LRRC4C: variants seen among roughly 807,000 people sequenced by gnomAD.
LRRC4C encodes leucine rich repeat containing 4C.
Under a neutral mutation model 33.6 loss-of-function variants are expected in LRRC4C, and 5 were observed. The observed-to-expected ratio is 0.15, with a 90% CI of 0.08 to 0.31. LRRC4C has a LOEUF of 0.31. LRRC4C is among the 10% of genes least tolerant of loss of function. The probability of loss-of-function intolerance (pLI) is 1.00; values close to 1 mark genes in which losing one functional copy is unlikely to be tolerated. For synonymous variants in LRRC4C, 329 were observed against 302.0 expected (o/e 1.09, Z -0.93); for missense variants, 560 against 796.7 (o/e 0.70, Z 3.58).
chr11:41,284,087 T>A (rs1465436270), intron 1 of LRRC4C, among the ~76,000 whole-genome samples: 1 of 152,208 alleles, frequency 6.6e-6, no homozygotes, highest in Admixed American at 6.5e-5. Context: ...ATACAACTGT[T>A]AATAATATAA....
intron 2 of LRRC4C, among the ~76,000 whole-genome samples, chr11:40,758,561 T>C (rs1565023086): frequency 6.6e-6 from 1 of 151,998 alleles, no homozygotes. Context: ...AATTAATATA[T>C]TAGTAATGAG....
intron 2 of LRRC4C, among the ~76,000 whole-genome samples, chr11:40,685,852 A>T (rs1045014820): frequency 4.6e-5 from 7 of 152,072 alleles, no homozygotes; most frequent in Non-Finnish European, 1.0e-4. Flanking sequence ...GGGAAGATTT[A>T]CTTTGTCTTC....
chr11:40,502,548 C>T (rs1954830056), intron 3 of LRRC4C, among the ~76,000 whole-genome samples: 1 of 152,050 alleles, frequency 6.6e-6, no homozygotes, highest in African/African-American at 2.4e-5. Flanking sequence ...CCTTATAAAA[C>T]CATGAAACCT....
intron 3 of LRRC4C, among the ~76,000 whole-genome samples, chr11:40,398,460 A>T (rs1949629355): frequency 6.6e-6 from 1 of 152,056 alleles, no homozygotes; most frequent in Non-Finnish European, 1.5e-5. Flanking sequence ...AGATCCCAAT[A>T]TGAGTTTGTT....
At chr11:41,410,243 G>C (rs1180406203) in intron 1 of LRRC4C, among the ~76,000 whole-genome samples, 1 of 152,116 alleles carries the variant, frequency 6.6e-6, no homozygotes, top group East Asian at 1.9e-4. Flanking sequence ...TTCTTGTTCA[G>C]ATCACAGGGT....
intron 1 of LRRC4C, among the ~76,000 whole-genome samples, chr11:41,071,567 C>T (rs1840057945): frequency 6.6e-6 from 1 of 152,088 alleles, no homozygotes; most frequent in African/African-American, 2.4e-5. Flanking sequence ...ACTGTTGAGG[C>T]CTACTGCTCA....
At position 40,494,947 on chromosome 11, in the gene LRRC4C, A is replaced by T. The variant is rs1438314224; in HGVS notation, c.-270+153195T>A. Among the ~76,000 whole-genome samples the T allele has an allele frequency of 2.0e-5, 3 of 152,218 alleles. 1 individual carries two copies. The East Asian group carries it at 5.8e-4, about 29-fold the overall frequency. On this transcript the variant is annotated intron_variant, in intron 3 of 6. Transcript: ENST00000528697. ...TTAAATTTTTCCTTCTGTAAATTAT[A>T]GAAAATTGTATCGCTCTCATAGAAT...
chr11:40,175,839 C>T (rs1168378321), intron 5 of LRRC4C, among the ~76,000 whole-genome samples: 3 of 152,112 alleles, frequency 2.0e-5, no homozygotes, highest in African/African-American at 7.2e-5. Context: ...TGAACATATT[C>T]CTAAGTCATT....
chr11:41,293,159 T>A (rs576685848), intron 1 of LRRC4C, among the ~76,000 whole-genome samples: 4 of 152,290 alleles, frequency 2.6e-5, no homozygotes, highest in African/African-American at 9.6e-5. Flanking sequence ...ATATATATGA[T>A]GTGATCCAAA....
At chr11:40,392,543 G>T (rs908295619) in intron 3 of LRRC4C, among the ~76,000 whole-genome samples, 1 of 151,916 alleles carries the variant, frequency 6.6e-6, no homozygotes, top group South Asian at 2.1e-4. Flanking sequence ...AAAAATTAAA[G>T]ATGTCAACCA....
At chr11:40,149,435 C>CT in intron 5 of LRRC4C, among the ~76,000 whole-genome samples, 1 of 151,952 alleles carries the variant, frequency 6.6e-6, no homozygotes, top group East Asian at 1.9e-4. Context: ...GTATTTTATT[C>CT]TTTTTGTGGT....
intron 3 of LRRC4C, among the ~76,000 whole-genome samples, chr11:40,621,065 CT>C (rs1405889352): frequency 6.6e-6 from 1 of 151,568 alleles, no homozygotes; most frequent in Non-Finnish European, 1.5e-5. Context: ...TCACATCTTT[CT>C]TTTTGGTTTT....
rs147891638 is a variant in LRRC4C at position 40,840,871 on chromosome 11, C to T, written c.-407+92764G>A. ...TGTTCAACATTATATGCTCTGGGAA[C>T]CAAATGGAATTTTTCACTTCTTCAC... is the stretch of plus-strand genomic sequence containing the variant. On this transcript the variant is annotated intron_variant, in intron 2 of 6. Transcript: ENST00000528697. Among the ~76,000 whole-genome samples the T allele has an allele frequency of 3.6e-3, 550 of 152,240 alleles. 3 individuals carry two copies. The highest frequency in any genetic ancestry group is 0.012 in the African/African-American group (517 of 41,562).
At chr11:40,140,394 G>A (rs1857282339) in intron 6 of LRRC4C, among the ~76,000 whole-genome samples, 1 of 152,042 alleles carries the variant, frequency 6.6e-6, no homozygotes, top group South Asian at 2.1e-4. Context: ...TATTGCCATG[G>A]GAGAACCACA....
At chr11:41,140,158 C>G (rs1943440449) in intron 1 of LRRC4C, among the ~76,000 whole-genome samples, 2 of 152,050 alleles carry the variant, frequency 1.3e-5, no homozygotes, top group African/African-American at 4.8e-5. Flanking sequence ...TTAGTGAAGA[C>G]TAATTAAGAT....
intron 2 of LRRC4C, among the ~76,000 whole-genome samples, chr11:40,843,144 G>A (rs1021337633): frequency 3.3e-5 from 5 of 152,048 alleles, no homozygotes; most frequent in African/African-American, 1.2e-4. Context: ...ACTGACCCCT[G>A]GATAGTGCAA....
Position 40,765,078 on chromosome 11 carries a change from G to T in LRRC4C, c.-406-116800C>A, listed in dbSNP as rs1055422021. Among the ~76,000 whole-genome samples the T allele has an allele frequency of 4.6e-5, 7 of 152,062 alleles. No homozygotes were observed. The East Asian group carries it at 9.7e-4, about 21-fold the overall frequency. ...AGACCATCCAGGAAAACACGACTTC[G>T]CCAAACAAACAAAAAAGGGACCAGT... is the stretch of plus-strand genomic sequence containing the variant. On this transcript the variant is annotated intron_variant, in intron 2 of 6. Transcript: ENST00000528697.
intron 5 of LRRC4C, among the ~76,000 whole-genome samples, chr11:40,235,651 C>T (rs1167355204): frequency 6.6e-6 from 1 of 152,000 alleles, no homozygotes; most frequent in Non-Finnish European, 1.5e-5. Flanking sequence ...GAAAAACTTT[C>T]AAAAAATGGT....
chr11:41,294,040 C>T (rs990425462), intron 1 of LRRC4C, among the ~76,000 whole-genome samples: 1 of 152,184 alleles, frequency 6.6e-6, no homozygotes, highest in Admixed American at 6.5e-5. Context: ...TTGATGCACT[C>T]ACTACATAGA....
Sources: allele counts gnomAD v4.1 joint callset (sites outside exome capture counted in the v4.1 genomes callset), GRCh38; gene constraint gnomAD v4.1.1; transcripts MANE v1.5; gene names NCBI Gene and HGNC (gene_info 2026-07-23, HGNC 2026-07-21).